Variants in SLC35F4 observed in about 807,000 individuals in gnomAD.
SLC35F4 encodes the protein solute carrier family 35 member F4, also known as chromosome 14 open reading frame 36.
Under a neutral mutation model 44.2 loss-of-function variants are expected in SLC35F4, and 24 were observed. That is an observed-to-expected ratio of 0.54 (90% confidence interval 0.39 to 0.76). The LOEUF is 0.76. SLC35F4 is among the 30% of genes least tolerant of loss of function. The pLI is 0.00. For synonymous variants in SLC35F4, 238 were observed against 223.6 expected (o/e 1.06, Z -0.57); for missense variants, 562 against 586.1 (o/e 0.96, Z 0.42).
intron 1 of SLC35F4, among the ~76,000 whole-genome samples, chr14:57,955,251 G>A (rs1413024264): frequency 1.3e-5 from 2 of 152,112 alleles, no homozygotes; most frequent in East Asian, 1.9e-4. Context: ...ACCCCTTCAT[G>A]CTAAAAACTC....
chr14:57,960,291 G>C (rs553237660), intron 1 of SLC35F4, among the ~76,000 whole-genome samples: 1 of 152,158 alleles, frequency 6.6e-6, no homozygotes, highest in Non-Finnish European at 1.5e-5. Flanking sequence ...CCCCAAGAAG[G>C]ACCAGTGGCC....
rs1243150021 is a variant in SLC35F4, at chr14:57,937,612, AAAG to A, written n.282+44298_282+44300del. 3.1e-4 allele frequency among the ~76,000 whole-genome samples: 27 copies of A among 87,746 alleles called. No individual in the cohort carries two copies. The South Asian group carries it at 3.2e-3, about 10-fold the overall frequency. The allele number at this position is 87,746 out of a possible 152,430, so 57.6% of individuals were successfully genotyped here. The stretch of plus-strand genomic sequence containing the variant: ...AAAGAAAAGAAAAGAAAAGAAAAGA[AAAG>A]AAAAGAAAAGAAAAGAAAAGAAAAG... On this transcript the variant is annotated intron_variant and non_coding_transcript_variant, in intron 1 of 1. Coordinates refer to the SLC35F4 transcript ENST00000556568.
intron 1 of SLC35F4, among the ~76,000 whole-genome samples, chr14:57,744,309 T>C (rs1275229916): frequency 1.3e-5 from 2 of 152,186 alleles, no homozygotes; most frequent in South Asian, 2.1e-4. Flanking sequence ...GATGACATGA[T>C]TGTATATCTA....
At chr14:57,937,777 A>G (rs1566505882) in intron 1 of SLC35F4, among the ~76,000 whole-genome samples, 1 of 152,190 alleles carries the variant, frequency 6.6e-6, no homozygotes, top group Non-Finnish European at 1.5e-5. Flanking sequence ...AACATACTGA[A>G]GGTGAACGTC....
Position 57,919,377 on chromosome 14 carries a change from G to C in SLC35F4, n.282+62536C>G, listed in dbSNP as rs1335279479. On this transcript the variant is annotated intron_variant and non_coding_transcript_variant, in intron 1 of 1. Coordinates refer to the SLC35F4 transcript ENST00000556568. ...AGCATTTGGAAGTTTTCTAACTTGC[G>C]ACACTTCAAAGGAAAAAGCAGTTAG... Among the ~76,000 whole-genome samples, 3 of 152,100 alleles carry C rather than the reference G, an allele frequency of 2.0e-5. No individual in the cohort carries two copies. In the East Asian group the frequency reaches 5.8e-4, roughly 29 times the overall value.
At chr14:57,570,017 C>T in intron 5 of SLC35F4, 37 bp from the exon 6 acceptor site, 4 of 1,542,460 alleles carry the variant, frequency 2.6e-6, no homozygotes, top group South Asian at 1.3e-5. Context: ...CACACAGAAA[C>T]TTAGCCAGAG....
chr14:57,931,916 A>G (rs778894339), intron 1 of SLC35F4, among the ~76,000 whole-genome samples: 2 of 152,248 alleles, frequency 1.3e-5, no homozygotes, highest in Non-Finnish European at 2.9e-5. Flanking sequence ...TAGATGAGAT[A>G]GGAGAGCTGA....
At chr14:57,824,930 C>T (rs1364614498) in intron 1 of SLC35F4, among the ~76,000 whole-genome samples, 1 of 152,032 alleles carries the variant, frequency 6.6e-6, no homozygotes, top group Admixed American at 6.6e-5. Context: ...AAAAAGATCC[C>T]TCTAGCTTCC....
At chr14:57,784,112 C>G (rs1231522493) in intron 1 of SLC35F4, among the ~76,000 whole-genome samples, 1 of 152,056 alleles carries the variant, frequency 6.6e-6, no homozygotes, top group Non-Finnish European at 1.5e-5. Flanking sequence ...TGAAGGGTTT[C>G]AAGATGTGTG....
At chr14:57,616,476 C>A (rs576991251) in intron 1 of SLC35F4, among the ~76,000 whole-genome samples, 1 of 152,276 alleles carries the variant, frequency 6.6e-6, no homozygotes, top group African/African-American at 2.4e-5. Context: ...GTAAAAAGCA[C>A]AAGAGGATTC....
At position 57,893,471 on chromosome 14, in the gene SLC35F4, C is replaced by T. The variant is rs75421117; in HGVS notation, n.282+88442G>A. ...TCACATAAACAGTAACTGAAAAAGG[C>T]AGGATTCAAATCCAGTTCTGTCAGT... is the stretch of plus-strand genomic sequence containing the variant. On this transcript the variant is annotated intron_variant and non_coding_transcript_variant, in intron 1 of 1. Transcript: ENST00000556568. 4.6e-3 allele frequency among the ~76,000 whole-genome samples: 693 copies of T among 152,274 alleles called. 7 individuals carry two copies. Among genetic ancestry groups the T allele is most frequent in the African/African-American group, 0.016 (664 of 41,568 alleles).
intron 1 of SLC35F4, among the ~76,000 whole-genome samples, chr14:57,696,736 G>T (rs1233121708): frequency 6.6e-6 from 1 of 152,194 alleles, no homozygotes; most frequent in Non-Finnish European, 1.5e-5. Flanking sequence ...TTATGCAGCT[G>T]TAAAAAAGGA....
At chr14:57,646,877 G>A (rs1594694042) in intron 1 of SLC35F4, among the ~76,000 whole-genome samples, 1 of 152,200 alleles carries the variant, frequency 6.6e-6, no homozygotes, top group Non-Finnish European at 1.5e-5. Context: ...ATTTCATTAT[G>A]TACCCAGTAG....
downstream of SLC35F4, among the ~76,000 whole-genome samples, chr14:57,973,720 G>A (rs1881122963): frequency 6.6e-6 from 1 of 152,162 alleles, no homozygotes; most frequent in South Asian, 2.1e-4. Context: ...GGGGATTGGA[G>A]TGTTTCATGG....
intron 1 of SLC35F4, among the ~76,000 whole-genome samples, chr14:57,809,674 T>C (rs1881743596): frequency 6.6e-6 from 1 of 152,276 alleles, no homozygotes; most frequent in Admixed American, 6.5e-5. Flanking sequence ...TAACTCTTGA[T>C]ATTTAAAAAT....
chr14:57,619,400 A>T (rs2069885885), intron 1 of SLC35F4, among the ~76,000 whole-genome samples: 1 of 152,174 alleles, frequency 6.6e-6, no homozygotes, highest in South Asian at 2.1e-4. Flanking sequence ...CAGGCAAAAA[A>T]GGTCTGGAGT....
intron 1 of SLC35F4, among the ~76,000 whole-genome samples, chr14:57,741,628 G>C (rs1291388876): frequency 6.6e-6 from 1 of 152,216 alleles, no homozygotes; most frequent in East Asian, 1.9e-4. Context: ...ACCTGAAAGT[G>C]ACTGGGAGAA....
chr14:57,705,755 C>T (rs2075656662), intron 1 of SLC35F4, among the ~76,000 whole-genome samples: 1 of 152,184 alleles, frequency 6.6e-6, no homozygotes, highest in Non-Finnish European at 1.5e-5. Flanking sequence ...CTGTACACAC[C>T]TCTATATATA....
At chr14:57,616,489 G>T (rs1056847429) in intron 1 of SLC35F4, among the ~76,000 whole-genome samples, 1 of 152,100 alleles carries the variant, frequency 6.6e-6, no homozygotes, top group Non-Finnish European at 1.5e-5. Flanking sequence ...GAGGATTCTT[G>T]CCCCCTCAGT....
Sources: gnomAD v4.1 joint callset for allele counts (sites outside exome capture counted in the v4.1 genomes callset) on GRCh38, gnomAD v4.1.1 for gene constraint, MANE v1.5 for transcripts, NCBI Gene and HGNC (gene_info 2026-07-23, HGNC 2026-07-21) for gene names.